GRB10: variants seen among roughly 807,000 people sequenced by gnomAD.
GRB10 encodes growth factor receptor-bound protein 10.
A neutral mutation model predicts 80.9 loss-of-function variants in GRB10; 20 were observed. The ratio of observed to expected loss-of-function variants is 0.25; its 90% CI spans 0.17 to 0.36. GRB10 has a LOEUF of 0.36. Ranked by LOEUF, GRB10 falls within the 10% of genes least tolerant of loss-of-function variation. The pLI is 1.00. For synonymous variants in GRB10, 291 were observed against 291.5 expected (o/e 1.00, Z 0.02); for missense variants, 548 against 747.7 (o/e 0.73, Z 3.12).
At chr7:50,606,664 G>A (rs2048589811) in intron 13 of GRB10, 4 of 537,582 alleles carry the variant, frequency 7.4e-6, no homozygotes, top group South Asian at 4.1e-5. Context: ...GCCTACTGTT[G>A]ACCAGAAGCC....
chr7:50,618,229 T>G (rs1585764440), intron 9 of GRB10, 90 bp from the exon 10 acceptor site: 7 of 955,996 alleles, frequency 7.3e-6, no homozygotes, highest in Non-Finnish European at 1.2e-5. Context: ...TTAAAACTAT[T>G]CCTACCAGTA....
At chr7:50,737,163 T>G (rs77235705) in intron 3 of GRB10, among the ~76,000 whole-genome samples, 9,734 of 152,278 alleles carry the variant, frequency 0.064, 1,028 homozygotes, top group African/African-American at 0.22. Flanking sequence ...CCAGAATATA[T>G]AAATGATATG....
intron 7 of GRB10, among the ~76,000 whole-genome samples, chr7:50,662,332 T>C (rs1586556059): frequency 6.6e-6 from 1 of 152,212 alleles, no homozygotes; most frequent in Non-Finnish European, 1.5e-5. Context: ...CGAGGCTCCC[T>C]GATAAGTGGA....
At chr7:50,672,964 G>A (rs964062553) in intron 6 of GRB10, among the ~76,000 whole-genome samples, 1 of 152,206 alleles carries the variant, frequency 6.6e-6, no homozygotes, top group African/African-American at 2.4e-5. Flanking sequence ...GAAGTCGGAG[G>A]GGAAGCCGGG....
At chr7:50,791,355 C>T (rs1405388054) in intron 1 of GRB10, among the ~76,000 whole-genome samples, 2 of 152,210 alleles carry the variant, frequency 1.3e-5, no homozygotes, top group Non-Finnish European at 2.9e-5. Context: ...AGGCAATCAT[C>T]ATTCTCCGAG....
chr7:50,604,416 A>T (rs1350037580), intron 15 of GRB10, 39 bp from the exon 16 acceptor site: 1 of 1,533,112 alleles, frequency 6.5e-7, no homozygotes, highest in African/African-American at 1.4e-5. Context: ...AGGACAGCAG[A>T]CAGACACACC....
At chr7:50,697,008 C>T (rs2063511272) in intron 5 of GRB10, among the ~76,000 whole-genome samples, 1 of 152,238 alleles carries the variant, frequency 6.6e-6, no homozygotes, top group South Asian at 2.1e-4. Flanking sequence ...CTGGCACATG[C>T]TACAACATGG....
Position 50,616,278 on chromosome 7 carries a change from A to G in GRB10, c.916T>C (p.Ser306Pro). ...FLHVKELGKK[S>P]WKKLYVCLRR... The stretch of plus-strand genomic sequence containing the variant: ...AAACACACATACAGCTTTTTCCATG[A>G]TTTCTTTCCCAGCTCTTTCACATGC... Residue 306 changes from serine (S) to proline (P), a missense_variant, in exon 11 of 19, where the codon TCA becomes CCA. Coordinates refer to ENST00000401949, the MANE Select transcript of GRB10 (RefSeq NM_001350814.2). The G allele has an allele frequency of 6.2e-7, 1 of 1,614,164 alleles. No homozygotes were observed. Among genetic ancestry groups the G allele is most frequent in the Non-Finnish European group, 8.5e-7 (1 of 1,179,998 alleles).
chr7:50,605,226 G>C, intron 15 of GRB10, 64 bp downstream of exon 15: 1 of 1,254,944 alleles, frequency 8.0e-7, no homozygotes, highest in Non-Finnish European at 1.2e-6. Context: ...TCTGGGAGAA[G>C]ACCACGTGGT....
At chr7:50,772,287 T>C (rs2077057018) in intron 2 of GRB10, among the ~76,000 whole-genome samples, 2 of 152,130 alleles carry the variant, frequency 1.3e-5, no homozygotes, top group Non-Finnish European at 2.9e-5. Flanking sequence ...CACTATAACA[T>C]AAAACAAAAT....
intron 4 of GRB10, chr7:50,705,139 C>G (rs937443473): frequency 2.0e-6 from 2 of 985,530 alleles, no homozygotes. Flanking sequence ...TGCACACTGA[C>G]CTGGGAGCAA....
chr7:50,732,289 G>T lies in GRB10; in HGVS notation c.34C>A (p.His12Asn). Residue 12 changes from histidine (H) to asparagine (N), a missense_variant, in exon 4 of 19, where the codon CAC becomes AAC. His to Asn is a moderately conservative substitution (Grantham distance 68). This residue lies in a region of GRB10 where 245 missense variants were observed against 229.3 expected (regional missense o/e 1.07). Coordinates refer to ENST00000401949, the MANE Select transcript of GRB10 (RefSeq NM_001350814.2). ...ALAGCPDSFL[H>N]HPYYQDKVEQ... ...GCCCATACCTGGTAGTACGGATGGT[G>T]CAAAAAGGAATCTGGGCAGCCGGCT... The T allele has an allele frequency of 1.2e-6, 2 of 1,614,020 alleles. No homozygotes were observed. The highest frequency in any genetic ancestry group is 8.5e-7 in the Non-Finnish European group (1 of 1,179,968).
chr7:50,654,234 C>T, intron 7 of GRB10, among the ~76,000 whole-genome samples: 1 of 152,222 alleles, frequency 6.6e-6, no homozygotes, highest in South Asian at 2.1e-4. Context: ...GCCTAGGGCA[C>T]CACGGGGTCC....
In GRB10 at chr7:50,671,710, G is replaced by A. The variant is rs533062716; in HGVS notation, c.363-1847C>T. ...TGGCCAGTGCCACTTTCCCATCCACGGCTTCTAGCCAGTGACTTCACCCCA... is the reference window on the plus strand; with the variant it reads ...TGGCCAGTGCCACTTTCCCATCCACAGCTTCTAGCCAGTGACTTCACCCCA... On this transcript the variant is annotated intron_variant, in intron 6 of 18. Coordinates refer to ENST00000401949, the MANE Select transcript of GRB10 (RefSeq NM_001350814.2). 1.8e-4 allele frequency among the ~76,000 whole-genome samples: 28 copies of A among 152,334 alleles called. No individual in the cohort carries two copies. The South Asian group carries it at 2.3e-3, about 12-fold the overall frequency.
At chr7:50,732,445 T>C in intron 3 of GRB10, 77 bp from the exon 4 acceptor site, 1 of 870,918 alleles carries the variant, frequency 1.1e-6, no homozygotes, top group Admixed American at 2.0e-5. Context: ...GGTTCAAGTG[T>C]GACATGTCTG....
Position 50,618,146 on chromosome 7 carries a change from A to T in GRB10, c.778-7T>A. ...TCTGTTCTGGGAAGAAATTCTAAGA[A>T]AATGGGAAAAAACAAATACGTAAAA... On this transcript the variant is annotated splice_region_variant and splice_polypyrimidine_tract_variant and intron_variant, in intron 9 of 18. Transcript: ENST00000401949. The T allele has an allele frequency of 6.2e-7, 1 of 1,610,526 alleles. No individual in the cohort carries two copies. The highest frequency in any genetic ancestry group is 1.1e-5 in the South Asian group (1 of 91,004).
intron 5 of GRB10, among the ~76,000 whole-genome samples, chr7:50,689,869 T>C (rs2153657142): frequency 6.6e-6 from 1 of 152,038 alleles, no homozygotes; most frequent in African/African-American, 2.4e-5. Flanking sequence ...TAGTTTGACA[T>C]CTTCCTTTGG....
intron 8 of GRB10, among the ~76,000 whole-genome samples, chr7:50,619,978 G>GC (rs2051396116): frequency 6.6e-6 from 1 of 152,160 alleles, no homozygotes. Context: ...ATCTTACATA[G>GC]CAGCACTGTC....
Position 50,782,264 on chromosome 7 carries a change from A to T in GRB10, c.-327+160T>A, listed in dbSNP as rs2078365587. On this transcript the variant is annotated intron_variant, in intron 1 of 18. Coordinates refer to ENST00000401949, the MANE Select transcript of GRB10 (RefSeq NM_001350814.2). This position sits in a 1 kb window ranked among gnomAD's most constrained non-coding sequence, Gnocchi z 6.6. ...TGCAGCGAGCCCGCGGCAGGCGGGC[A>T]GGGGGCCGCGCGGCAAGACCTCCCC... Among the ~76,000 whole-genome samples the T allele has an allele frequency of 6.6e-6, 1 of 151,490 alleles. No homozygotes were observed. The highest frequency in any genetic ancestry group is 2.1e-4 in the South Asian group (1 of 4,832).
Sources: allele counts gnomAD v4.1 joint callset (sites outside exome capture counted in the v4.1 genomes callset), GRCh38; gene constraint gnomAD v4.1.1; regional missense constraint gnomAD v4.1.1; non-coding constraint Gnocchi (gnomAD v3.1); transcripts MANE v1.5; gene names NCBI Gene and HGNC (gene_info 2026-07-23, HGNC 2026-07-21).